Variants in FOXN3 observed in about 807,000 individuals in gnomAD.
FOXN3 encodes forkhead box N3, also known as forkhead box protein N3.
A neutral mutation model predicts 38.4 loss-of-function variants in FOXN3; 7 were observed. That is an observed-to-expected ratio of 0.18 (90% CI 0.10 to 0.34). The LOEUF (loss-of-function observed/expected upper bound fraction) is 0.34. FOXN3 is among the 10% of genes least tolerant of loss of function. The pLI, the probability that FOXN3 is intolerant of heterozygous loss-of-function variation, is 1.00. For missense variants in FOXN3, 456 were observed against 613.4 expected (o/e 0.74, Z 2.71); for synonymous variants, 230 against 242.2 (o/e 0.95, Z 0.47).
intron 2 of FOXN3, among the ~76,000 whole-genome samples, chr14:89,365,061 T>C (rs945511999): frequency 1.1e-4 from 16 of 152,208 alleles, no homozygotes; most frequent in African/African-American, 3.9e-4. Flanking sequence ...GTGACAGAGT[T>C]GTGTGGGGGC....
At chr14:89,295,407 C>T (rs1251646697) in intron 3 of FOXN3, among the ~76,000 whole-genome samples, 1 of 152,180 alleles carries the variant, frequency 6.6e-6, no homozygotes, top group Non-Finnish European at 1.5e-5. Flanking sequence ...ATGTGTGTCT[C>T]ACCTTACCTT....
rs114699076 is a variant in FOXN3, at chr14:89,547,626, C to T, written c.-15+71402G>A. Among the ~76,000 whole-genome samples, 398 of 152,196 alleles carry T rather than the reference C, an allele frequency of 2.6e-3. 2 individuals carry two copies. The highest frequency in any genetic ancestry group is 9.5e-3 in the African/African-American group (393 of 41,510). ...TTCAGATTTATTGATAATAGCATCC[C>T]ATTTGTTTCCTATCTAGAAATTATC... is the stretch of plus-strand genomic sequence containing the variant. On this transcript the variant is annotated intron_variant, in intron 1 of 6. Coordinates refer to the FOXN3 transcript ENST00000345097.
chr14:89,336,194 T>C (rs1182566238), intron 3 of FOXN3, among the ~76,000 whole-genome samples: 1 of 87,404 alleles, frequency 1.1e-5, no homozygotes. Flanking sequence ...TAGTCACCCC[T>C]TCCCCATTCT....
intron 1 of FOXN3, among the ~76,000 whole-genome samples, chr14:89,467,059 C>G (rs1006526010): frequency 1.3e-5 from 2 of 152,344 alleles, no homozygotes; most frequent in Non-Finnish European, 2.9e-5. Context: ...TAATCATGAA[C>G]TCAGATCCAA....
At chr14:89,270,863 A>T (rs1886133050) in intron 4 of FOXN3, among the ~76,000 whole-genome samples, 2 of 152,164 alleles carry the variant, frequency 1.3e-5, no homozygotes. Context: ...AGTATACCTG[A>T]CTTAAAAGCT....
intron 1 of FOXN3, among the ~76,000 whole-genome samples, chr14:89,559,288 G>A (rs1000308822): frequency 2.6e-5 from 4 of 152,204 alleles, no homozygotes; most frequent in African/African-American, 9.7e-5. Context: ...GCTGAACTGG[G>A]AGGATTTATT....
chr14:89,595,012 A>T (rs1043344627), intron 1 of FOXN3, among the ~76,000 whole-genome samples: 7 of 152,120 alleles, frequency 4.6e-5, no homozygotes. Flanking sequence ...ATGAACTGAC[A>T]TCTTTTAAAA....
At chr14:89,306,486 G>A (rs932808345) in intron 3 of FOXN3, among the ~76,000 whole-genome samples, 48 of 152,094 alleles carry the variant, frequency 3.2e-4, no homozygotes, top group Non-Finnish European at 4.9e-4. Flanking sequence ...TCCTGCCTCA[G>A]CCTCTGAGTA....
At chr14:89,551,210 G>A (rs1452348346) in intron 1 of FOXN3, among the ~76,000 whole-genome samples, 1 of 152,206 alleles carries the variant, frequency 6.6e-6, no homozygotes, top group Non-Finnish European at 1.5e-5. Flanking sequence ...GCAAGTGATA[G>A]GATGGTGAGG....
intron 4 of FOXN3, among the ~76,000 whole-genome samples, chr14:89,227,214 G>A (rs896197267): frequency 6.6e-6 from 1 of 152,124 alleles, no homozygotes; most frequent in African/African-American, 2.4e-5. Context: ...CACCCATGAA[G>A]GAGGAATTTT....
intron 3 of FOXN3, among the ~76,000 whole-genome samples, chr14:89,321,121 C>T (rs1171342473): frequency 6.6e-6 from 1 of 151,816 alleles, no homozygotes; most frequent in Non-Finnish European, 1.5e-5. Context: ...AAACCCCTCT[C>T]TACTAAAAAA....
chr14:89,443,218 T>C (rs965821646), intron 1 of FOXN3, among the ~76,000 whole-genome samples: 1 of 152,254 alleles, frequency 6.6e-6, no homozygotes, highest in African/African-American at 2.4e-5. Context: ...ATATGCATTT[T>C]AAACGTGCAA....
intron 1 of FOXN3, among the ~76,000 whole-genome samples, chr14:89,514,808 C>T (rs561010228): frequency 4.1e-4 from 63 of 152,312 alleles, no homozygotes; most frequent in Non-Finnish European, 7.9e-4. Context: ...ATCTATCTGT[C>T]GCACTGTCCT....
At chr14:89,490,207 G>A (rs187566061) in intron 1 of FOXN3, among the ~76,000 whole-genome samples, 17 of 152,306 alleles carry the variant, frequency 1.1e-4, no homozygotes, top group East Asian at 7.7e-4. Context: ...AGCAGCTGCC[G>A]TGTCCTCAGC....
At chr14:89,267,346 C>T (rs567689841) in intron 4 of FOXN3, among the ~76,000 whole-genome samples, 90 of 152,256 alleles carry the variant, frequency 5.9e-4, no homozygotes, top group Non-Finnish European at 1.1e-3. Flanking sequence ...GGATCCCTGG[C>T]GCTGCAGTGG....
chr14:89,326,531 T>C (rs1183450349), intron 3 of FOXN3, among the ~76,000 whole-genome samples: 2 of 152,218 alleles, frequency 1.3e-5, no homozygotes, highest in African/African-American at 4.8e-5. Flanking sequence ...CGCACTGGAC[T>C]TTAGTCAAAA....
chr14:89,482,696 G>C (rs1047805234), intron 1 of FOXN3, among the ~76,000 whole-genome samples: 2 of 151,806 alleles, frequency 1.3e-5, no homozygotes, highest in African/African-American at 4.8e-5. Context: ...ATCACTTGAG[G>C]CCAGGAGTTC....
chr14:89,308,954 C>T (rs1887454999), intron 3 of FOXN3, among the ~76,000 whole-genome samples: 1 of 152,156 alleles, frequency 6.6e-6, no homozygotes, highest in African/African-American at 2.4e-5. Context: ...GCTCTTGCAG[C>T]CTGAGGGGTC....
intron 4 of FOXN3, among the ~76,000 whole-genome samples, chr14:89,266,484 G>A (rs191425117): frequency 1.3e-3 from 200 of 152,240 alleles, no homozygotes; most frequent in African/African-American, 4.4e-3. Context: ...TTTTGGAGGC[G>A]GCTGGGGGGG....
Sources: allele counts gnomAD v4.1 joint callset (sites outside exome capture counted in the v4.1 genomes callset), GRCh38; gene constraint gnomAD v4.1.1; transcripts MANE v1.5; gene names NCBI Gene and HGNC (gene_info 2026-07-23, HGNC 2026-07-21).